Variants in DCLRE1C observed in about 807,000 individuals in gnomAD.
The protein encoded by DCLRE1C is DNA cross-link repair 1C.
In DCLRE1C, 47 loss-of-function variants were observed where a neutral mutation model predicts 61.4. The ratio of observed to expected loss-of-function variants is 0.77; its 90% CI spans 0.61 to 0.98. The LOEUF (loss-of-function observed/expected upper bound fraction) is 0.98. Among genes scored for constraint, DCLRE1C ranks in the 50% least tolerant of loss-of-function variants. The pLI, the probability that DCLRE1C is intolerant of heterozygous loss-of-function variation, is 0.00. For missense variants in DCLRE1C, 858 were observed against 816.0 expected, an observed-to-expected ratio of 1.05 and a Z score of -0.63; for synonymous variants, 337 against 287.6, an observed-to-expected ratio of 1.17 and a Z score of -1.74.
downstream of DCLRE1C, among the ~76,000 whole-genome samples, chr10:14,901,458 A>G (rs760022618): frequency 3.3e-5 from 5 of 152,218 alleles, no homozygotes; most frequent in Non-Finnish European, 5.9e-5. Flanking sequence ...GCTTCAGCTG[A>G]GGAATGGTTC....
chr10:14,923,712 T>C (rs1837502712), intron 11 of DCLRE1C: 1 of 153,880 alleles, frequency 6.5e-6, no homozygotes, highest in Non-Finnish European at 1.4e-5. Context: ...GAATTACACC[T>C]TTGAGGTTAC....
chr10:14,939,739 C>G, intron 4 of DCLRE1C, 71 bp downstream of exon 4: 1 of 1,354,088 alleles, frequency 7.4e-7, no homozygotes, highest in Non-Finnish European at 1.0e-6. Context: ...ACTGCAAAAT[C>G]AAAGAGAAAT....
At chr10:14,944,278 C>T (rs1488351311) in intron 3 of DCLRE1C, among the ~76,000 whole-genome samples, 1 of 152,158 alleles carries the variant, frequency 6.6e-6, no homozygotes, top group Non-Finnish European at 1.5e-5. Context: ...GTGGGTGGAT[C>T]ACCTGAAGTC....
chr10:14,930,734 G>A (rs944200100), intron 9 of DCLRE1C, among the ~76,000 whole-genome samples: 1 of 151,922 alleles, frequency 6.6e-6, no homozygotes, highest in African/African-American at 2.4e-5. Context: ...CACCCGGCCG[G>A]TTTACGTTTT....
chr10:14,924,199 C>T (rs568707853), intron 11 of DCLRE1C, among the ~76,000 whole-genome samples: 15 of 152,344 alleles, frequency 9.8e-5, no homozygotes, highest in East Asian at 7.7e-4. Context: ...CACTCGCGTG[C>T]GCTCTCTCTC....
At position 14,927,578 on chromosome 10, in the gene DCLRE1C, G is replaced by T. The variant is rs1307847707; in HGVS notation, c.917+438C>A. On this transcript the variant is annotated intron_variant, in intron 10 of 13. Coordinates refer to ENST00000378278, the MANE Select transcript of DCLRE1C (RefSeq NM_001033855.3). The stretch of plus-strand genomic sequence containing the variant: ...CTCAGATGGGAGGGAGGGAGTGGGG[G>T]GGGAGAAAGGAGAGGGAGGGAAGAA... Among the ~76,000 whole-genome samples, 4 of 142,606 alleles carry T rather than the reference G, an allele frequency of 2.8e-5. No individual in the cohort carries two copies. In the East Asian group the frequency reaches 6.5e-4, roughly 23 times the overall value. The allele number at this position is 142,606 out of a possible 152,430, so 93.6% of individuals were successfully genotyped here. A position where few individuals can be genotyped will look rare whatever the true frequency, so the allele number is the denominator to read the frequency against.
rs113430128 is a variant in DCLRE1C at position 14,941,324 on chromosome 10, A to G, written c.247-1455T>C. 6.3e-3 allele frequency among the ~76,000 whole-genome samples: 960 copies of G among 152,246 alleles called. 9 individuals are homozygous for G. Among genetic ancestry groups the G allele is most frequent in the East Asian group, 0.019 (100 of 5,164 alleles). ...TTTTGAGACAGGCTCTCGCTGTGTT[A>G]GCCAGCCTGGAGTGCAGTGGCACAG... On this transcript the variant is annotated intron_variant, in intron 3 of 13. Coordinates refer to ENST00000378278, the MANE Select transcript of DCLRE1C (RefSeq NM_001033855.3).
intron 11 of DCLRE1C, 52 bp from the exon 12 acceptor site, chr10:14,923,121 G>C: frequency 7.2e-7 from 1 of 1,385,632 alleles, no homozygotes; most frequent in Non-Finnish European, 1.0e-6. Context: ...GAAACAGGTT[G>C]TTAGGGGAGA....
chr10:14,929,625 G>A (rs1185826521), intron 9 of DCLRE1C, among the ~76,000 whole-genome samples: 1 of 152,020 alleles, frequency 6.6e-6, no homozygotes, highest in Non-Finnish European at 1.5e-5. Flanking sequence ...CTGGGTGACA[G>A]AGCAAGACTC....
chr10:14,938,458 T>C (rs952312482), intron 4 of DCLRE1C, among the ~76,000 whole-genome samples: 48 of 152,184 alleles, frequency 3.2e-4, no homozygotes, highest in African/African-American at 1.1e-3. Flanking sequence ...AAAGAAGAAA[T>C]ATCTGAAAAG....
chr10:14,934,337 A>G (rs756276051), intron 8 of DCLRE1C, 43 bp downstream of exon 8: 8 of 1,597,646 alleles, frequency 5.0e-6, no homozygotes, highest in South Asian at 2.3e-5. Context: ...CAAAAAAAAA[A>G]AAAAAAGAAA....
At chr10:14,914,936 T>C (rs117504435) in intron 13 of DCLRE1C, among the ~76,000 whole-genome samples, 623 of 144,282 alleles carry the variant, frequency 4.3e-3, no homozygotes, top group Non-Finnish European at 5.8e-3. Context: ...AGAATCCATC[T>C]CATTAAAAAA....
chr10:14,949,772 T>C (rs1842191919), intron 1 of DCLRE1C, among the ~76,000 whole-genome samples: 1 of 152,226 alleles, frequency 6.6e-6, no homozygotes, highest in South Asian at 2.1e-4. Context: ...CAGTTGGACA[T>C]GGTGGCTCTT....
At chr10:14,914,940 T>TAAAAAAAAAAA (rs201181306) in intron 13 of DCLRE1C, among the ~76,000 whole-genome samples, 1 of 142,748 alleles carries the variant, frequency 7.0e-6, no homozygotes. Flanking sequence ...TCCATCTCAT[T>TAAAAAAAAAAA]AAAAAAAAAA....
chr10:14,947,043 C>A (rs1841805754), intron 2 of DCLRE1C, among the ~76,000 whole-genome samples: 1 of 151,776 alleles, frequency 6.6e-6, no homozygotes. Context: ...GAAACCCCAT[C>A]TCTACTGAAA....
chr10:14,951,143 C>T (rs41304312), intron 1 of DCLRE1C, among the ~76,000 whole-genome samples: 112 of 152,078 alleles, frequency 7.4e-4, no homozygotes, highest in African/African-American at 2.6e-3. Context: ...CTTTGGGAGG[C>T]TGAGGTGAGT....
chr10:14,946,125 T>C (rs1029824852), intron 2 of DCLRE1C, among the ~76,000 whole-genome samples: 4 of 151,374 alleles, frequency 2.6e-5, no homozygotes, highest in South Asian at 2.1e-4. Context: ...TCTCCTGTCT[T>C]AGCCTCTTGA....
intron 8 of DCLRE1C, among the ~76,000 whole-genome samples, chr10:14,933,859 A>G (rs1035459653): frequency 5.3e-5 from 8 of 152,078 alleles, no homozygotes; most frequent in Admixed American, 6.5e-5. Context: ...GCTTCTGTCA[A>G]TTTTCTCCCA....
At position 14,933,095 on chromosome 10, in the gene DCLRE1C, G is replaced by T. The variant is rs1206230632; in HGVS notation, c.679-140C>A. The T allele has an allele frequency of 1.0e-5, 9 of 894,204 alleles. No individual in the cohort carries two copies. In the African/African-American group the frequency reaches 1.3e-4, roughly 13 times the overall value. 55.4% of individuals were successfully genotyped at this position (894,204 alleles called of 1,614,324 possible). On this transcript the variant is annotated intron_variant, in intron 8 of 13. Coordinates refer to ENST00000378278, the MANE Select transcript of DCLRE1C (RefSeq NM_001033855.3). ...TTGAAAAGTAGTTTTTGGCTATTCA[G>T]TGCACTCTGGTATTCCGCCAGCATG...
Sources: gnomAD v4.1 joint callset for allele counts (sites outside exome capture counted in the v4.1 genomes callset) on GRCh38, gnomAD v4.1.1 for gene constraint, MANE v1.5 for transcripts, NCBI Gene and HGNC (gene_info 2026-07-23, HGNC 2026-07-21) for gene names.